The following CEP112 variants were observed in gnomAD, a reference collection of about 807,000 sequenced individuals.
CEP112 encodes the protein centrosomal protein 112, also known as centrosomal protein of 112 kDa.
A neutral mutation model predicts 153.0 loss-of-function variants in CEP112; 127 were observed. The ratio of observed to expected loss-of-function variants is 0.83; its 90% CI spans 0.72 to 0.96. The LOEUF (loss-of-function observed/expected upper bound fraction) is 0.96, where lower values mean the gene tolerates loss of function less well. Among genes scored for constraint, CEP112 ranks in the 40% least tolerant of loss-of-function variants. CEP112 has a pLI of 0.00. For missense variants in CEP112, 1,089 were observed against 1,101.2 expected, an observed-to-expected ratio of 0.99 and a Z score of 0.16; for synonymous variants, 358 against 374.4, an observed-to-expected ratio of 0.96 and a Z score of 0.51.
intron 20 of CEP112, among the ~76,000 whole-genome samples, chr17:65,877,497 T>C (rs2058877630): frequency 6.6e-6 from 1 of 152,210 alleles, no homozygotes; most frequent in African/African-American, 2.4e-5. Flanking sequence ...CCTTTATTTG[T>C]TGTTCTCCCT....
intron 23 of CEP112, among the ~76,000 whole-genome samples, chr17:65,691,422 T>C (rs2048100627): frequency 6.6e-6 from 1 of 152,178 alleles, no homozygotes; most frequent in African/African-American, 2.4e-5. Context: ...GTTTTATGAT[T>C]TTGCCTCTCA....
chr17:65,685,593 A>G (rs2047739379), intron 24 of CEP112, among the ~76,000 whole-genome samples: 2 of 152,118 alleles, frequency 1.3e-5, no homozygotes, highest in South Asian at 4.1e-4. Context: ...TAATGTAACA[A>G]TCTCAACATT....
intron 17 of CEP112, among the ~76,000 whole-genome samples, chr17:65,998,413 T>C (rs1322089476): frequency 7.0e-6 from 1 of 143,568 alleles, no homozygotes; most frequent in Non-Finnish European, 1.5e-5. Context: ...AAAGGAAATG[T>C]TCTAAAATTG....
intron 18 of CEP112, among the ~76,000 whole-genome samples, chr17:65,953,282 T>C (rs2061896224): frequency 6.6e-6 from 1 of 152,224 alleles, no homozygotes; most frequent in African/African-American, 2.4e-5. Flanking sequence ...AGATTTAATA[T>C]GTAGTGTCAA....
chr17:65,785,806 T>C (rs2054248104), intron 21 of CEP112, among the ~76,000 whole-genome samples: 1 of 152,206 alleles, frequency 6.6e-6, no homozygotes, highest in South Asian at 2.1e-4. Context: ...CCATTTATTT[T>C]TAGGTCTGTG....
intron 21 of CEP112, among the ~76,000 whole-genome samples, chr17:65,846,812 G>A (rs1419243393): frequency 6.6e-6 from 1 of 152,014 alleles, no homozygotes; most frequent in Non-Finnish European, 1.5e-5. Flanking sequence ...CTTGTGATTC[G>A]CCCGCCTCGA....
At position 66,055,631 on chromosome 17, in the gene CEP112, C is replaced by A. The variant is rs73992221; in HGVS notation, c.1075-1752G>T. 6.2e-3 allele frequency among the ~76,000 whole-genome samples: 943 copies of A among 152,214 alleles called. 11 individuals are homozygous for A. The highest frequency in any genetic ancestry group is 0.022 in the African/African-American group (899 of 41,532). On this transcript the variant is annotated intron_variant, in intron 11 of 26. Transcript: ENST00000535342. ...CCAAAGCCCCTAGAACATATGCCTG[C>A]CGAATGTCAAAAATCTAATAGCCCA...
At chr17:66,149,894 T>TG in intron 4 of CEP112, among the ~76,000 whole-genome samples, 1 of 104,276 alleles carries the variant, frequency 9.6e-6, no homozygotes, top group Non-Finnish European at 2.0e-5. Context: ...GTTTGTTTTT[T>TG]TTTTTTTTTT....
At chr17:66,062,886 C>A in intron 11 of CEP112, 77 bp downstream of exon 11, 1 of 696,992 alleles carries the variant, frequency 1.4e-6, no homozygotes, top group Non-Finnish European at 2.3e-6. Context: ...TCTGTGAAAT[C>A]TATTACTTTT....
chr17:65,888,297 G>A (rs932578021), intron 20 of CEP112, among the ~76,000 whole-genome samples: 3 of 152,128 alleles, frequency 2.0e-5, no homozygotes, highest in African/African-American at 7.2e-5. Flanking sequence ...TTCTGGCTTG[G>A]GGTACAGGGC....
At chr17:65,759,258 C>A (rs971132203) in intron 21 of CEP112, among the ~76,000 whole-genome samples, 1 of 152,166 alleles carries the variant, frequency 6.6e-6, no homozygotes, top group Non-Finnish European at 1.5e-5. Flanking sequence ...CAACCAGCAA[C>A]CCTAGGGGCT....
intron 14 of CEP112, among the ~76,000 whole-genome samples, 156 bp downstream of exon 14, chr17:66,028,967 A>T (rs1208072286): frequency 2.0e-5 from 3 of 152,168 alleles, no homozygotes; most frequent in African/African-American, 7.2e-5. Flanking sequence ...TAAACATTTT[A>T]AATACCAGTA....
intron 20 of CEP112, among the ~76,000 whole-genome samples, chr17:65,857,863 C>A (rs941676720): frequency 6.6e-6 from 1 of 152,108 alleles, no homozygotes; most frequent in African/African-American, 2.4e-5. Context: ...CCAGTAGGGC[C>A]ATCTGGGCTT....
intron 19 of CEP112, chr17:65,913,459 C>G (rs745322484): frequency 2.4e-5 from 23 of 976,014 alleles, no homozygotes; most frequent in Non-Finnish European, 2.8e-5. Flanking sequence ...ACTTTCTGAA[C>G]ACTTTAATAG....
rs571272227 is a variant in CEP112 at position 65,838,098 on chromosome 17, A to G, written c.2394+13706T>C. On this transcript the variant is annotated intron_variant, in intron 21 of 26. Transcript: ENST00000535342. ...AGAATGATCAATAAATACTAAAAAA[A>G]TTAAAAAAAAATACAATGATACAAT... Among the ~76,000 whole-genome samples the G allele has an allele frequency of 1.6e-4, 24 of 152,198 alleles. No homozygotes were observed. In the South Asian group the frequency reaches 5.0e-3, roughly 32 times the overall value.
Position 65,752,587 on chromosome 17 carries a change from G to A in CEP112, c.2395-1863C>T, listed in dbSNP as rs991358257. ...AGAACAAACCAGGGATAGGGATGGG[G>A]GCAGTCTTGGGATAAAATCTGGGCC... On this transcript the variant is annotated intron_variant, in intron 21 of 26. Coordinates refer to ENST00000535342, the MANE Select transcript of CEP112 (RefSeq NM_001199165.4). Among the ~76,000 whole-genome samples, 13 of 152,286 alleles carry A rather than the reference G, an allele frequency of 8.5e-5. No homozygotes were observed. In the South Asian group the frequency reaches 2.1e-3, roughly 24 times the overall value.
chr17:65,702,394 A>C (rs573995109), intron 23 of CEP112, among the ~76,000 whole-genome samples: 9 of 152,288 alleles, frequency 5.9e-5, no homozygotes, highest in Admixed American at 2.0e-4. Context: ...CTTCTTTCTT[A>C]CTGTGCTCAA....
intron 17 of CEP112, among the ~76,000 whole-genome samples, chr17:65,976,065 TCA>T (rs2063022794): frequency 6.6e-6 from 1 of 152,218 alleles, no homozygotes; most frequent in Non-Finnish European, 1.5e-5. Flanking sequence ...TGCCCTTTCT[TCA>T]CACACACTAA....
chr17:65,994,264 A>C (rs1255653800), intron 17 of CEP112, among the ~76,000 whole-genome samples: 2 of 152,176 alleles, frequency 1.3e-5, no homozygotes, highest in Non-Finnish European at 2.9e-5. Context: ...TTAGGCTTTC[A>C]TTGAGTTGAC....
Sources: allele counts gnomAD v4.1 joint callset (sites outside exome capture counted in the v4.1 genomes callset), GRCh38; gene constraint gnomAD v4.1.1; transcripts MANE v1.5; gene names NCBI Gene and HGNC (gene_info 2026-07-23, HGNC 2026-07-21).